The following ABCA13 variants were observed in gnomAD, a reference collection of about 807,000 sequenced individuals.
The protein encoded by ABCA13 is ATP-binding cassette sub-family A member 13.
Under a neutral mutation model 478.7 loss-of-function variants are expected in ABCA13, and 476 were observed. The ratio of observed to expected loss-of-function variants is 0.99; its 90% CI spans 0.92 to 1.07. The LOEUF (loss-of-function observed/expected upper bound fraction) is 1.07, where lower values mean the gene tolerates loss of function less well. Among genes scored for constraint, ABCA13 ranks in the 50% least tolerant of loss-of-function variants. The pLI is 0.00. For missense variants in ABCA13, 6,060 were observed against 5,910.6 expected (o/e 1.03, Z -0.83); for synonymous variants, 2,252 against 2,158.9 (o/e 1.04, Z -1.20).
At position 48,274,464 on chromosome 7, in the gene ABCA13, T is replaced by C. The variant is rs374881191; in HGVS notation, c.4798T>C (p.Leu1600=). Residue 1600 remains leucine, a synonymous_variant, in exon 17 of 62, where the codon TTA becomes CTA. Transcript: ENST00000435803. ...CAGTGTAGGCAATTCCATTTATCAC[T>C]TAGCTAGTTACCTTGCCTTCAGCTT... ...VNSVGNSIYH[L]ASYLAFSLSH... 4 of 1,613,876 alleles carry C rather than the reference T, an allele frequency of 2.5e-6. No homozygotes were observed. The highest frequency in any genetic ancestry group is 3.4e-6 in the Non-Finnish European group (4 of 1,179,828).
intron 23 of ABCA13, among the ~76,000 whole-genome samples, chr7:48,305,838 G>A (rs965142233): frequency 2.6e-5 from 4 of 152,216 alleles, no homozygotes; most frequent in Admixed American, 6.5e-5. Context: ...GCATCGCCCT[G>A]GATCCTAAGC....
rs534382213 is a variant in ABCA13 at position 48,321,532 on chromosome 7, G to A, written c.9999+4236G>A. On this transcript the variant is annotated intron_variant, in intron 27 of 61. Coordinates refer to ENST00000435803, the MANE Select transcript of ABCA13 (RefSeq NM_152701.5). ...CCCTGTGTAGGCCGGCCCTGAGCTA[G>A]CATGTGGTCCTAGCAGTGTGGCTGA... Among the ~76,000 whole-genome samples the A allele has an allele frequency of 6.6e-5, 10 of 152,310 alleles. No individual in the cohort carries two copies. In the South Asian group the frequency reaches 1.9e-3, roughly 28 times the overall value.
At chr7:48,443,837 A>G (rs993708220) in intron 42 of ABCA13, among the ~76,000 whole-genome samples, 2 of 151,388 alleles carry the variant, frequency 1.3e-5, no homozygotes, top group Non-Finnish European at 2.9e-5. Flanking sequence ...AAATCCATCC[A>G]CCTCCCACCC....
At chr7:48,389,324 T>G in intron 37 of ABCA13, 104 bp downstream of exon 37, 1 of 1,332,070 alleles carries the variant, frequency 7.5e-7, no homozygotes, top group Middle Eastern at 2.7e-4. Context: ...TTTTAAAATT[T>G]TGAGTCTCAA....
intron 45 of ABCA13, among the ~76,000 whole-genome samples, chr7:48,477,352 A>G (rs967388169): frequency 6.6e-6 from 1 of 152,160 alleles, no homozygotes; most frequent in African/African-American, 2.4e-5. Context: ...GGGATCTAGA[A>G]CTAGAAATAC....
rs1366553865 is a variant in ABCA13, at chr7:48,372,312, G to T, written c.10948G>T (p.Val3650Phe). Residue 3650 changes from valine to phenylalanine, a missense_variant, in exon 33 of 62, where the codon GTT becomes TTT. Val to Phe is a conservative substitution (Grantham distance 50). Around this residue, in one of 3 missense-constraint regions of ABCA13, gnomAD observed 4,423 missense variants for 4,309.1 expected, o/e 1.03. Coordinates refer to ENST00000435803, the MANE Select transcript of ABCA13 (RefSeq NM_152701.5). Reference sequence around the variant, plus strand: ...CTTTGCACACAGCAATACCTTTATTGTTTTCCTCTTTCTCTTGGATTTTGG... The same window carrying T: ...CTTTGCACACAGCAATACCTTTATTTTTTTCCTCTTTCTCTTGGATTTTGG... ...GIFAHSNTFI[V>F]FLFLLDFGMS... 6.2e-7 allele frequency: 1 copy of T among 1,613,824 alleles called. No homozygotes were observed. Among genetic ancestry groups the T allele is most frequent in the African/African-American group, 1.3e-5 (1 of 74,990 alleles).
At chr7:48,452,022 A>G (rs1825103924) in intron 42 of ABCA13, among the ~76,000 whole-genome samples, 1 of 152,222 alleles carries the variant, frequency 6.6e-6, no homozygotes, top group Non-Finnish European at 1.5e-5. Context: ...AGCCATGAAT[A>G]TTTGATTGGT....
At chr7:48,639,894 A>G (rs1173522538) in intron 59 of ABCA13, among the ~76,000 whole-genome samples, 1 of 152,182 alleles carries the variant, frequency 6.6e-6, no homozygotes, top group African/African-American at 2.4e-5. Flanking sequence ...ATGTTCCTTT[A>G]ATTCTCTTAG....
chr7:48,626,933 A>G, intron 59 of ABCA13: 1 of 985,418 alleles, frequency 1.0e-6, no homozygotes, highest in Non-Finnish European at 1.2e-6. Flanking sequence ...GAAAACTTAA[A>G]GTTGGGGGTG....
chr7:48,538,874 C>A (rs914388923), intron 55 of ABCA13, among the ~76,000 whole-genome samples: 1 of 152,172 alleles, frequency 6.6e-6, no homozygotes, highest in African/African-American at 2.4e-5. Context: ...CCATTCCTTT[C>A]ATTTCTTTAC....
chr7:48,414,511 A>G (rs192528051), intron 41 of ABCA13, among the ~76,000 whole-genome samples: 1 of 150,800 alleles, frequency 6.6e-6, no homozygotes, highest in Admixed American at 6.6e-5. Context: ...TTAATATAAA[A>G]TGAATATTTT....
At chr7:48,588,470 C>T (rs1463777316) in intron 57 of ABCA13, among the ~76,000 whole-genome samples, 2 of 152,192 alleles carry the variant, frequency 1.3e-5, no homozygotes, top group East Asian at 1.9e-4. Context: ...CAGACCCTGA[C>T]ATGCTTTTCT....
intron 1 of ABCA13, among the ~76,000 whole-genome samples, chr7:48,178,773 G>T (rs890593564): frequency 9.9e-5 from 15 of 151,382 alleles, no homozygotes; most frequent in Admixed American, 7.2e-4. Context: ...AAACTGACTG[G>T]ATTTCAAAGA....
chr7:48,307,046 G>A (rs894149134), intron 23 of ABCA13, among the ~76,000 whole-genome samples: 1 of 152,224 alleles, frequency 6.6e-6, no homozygotes, highest in African/African-American at 2.4e-5. Flanking sequence ...TCCCAAATCC[G>A]CTGGCCCACC....
chr7:48,315,467 A>G lies in ABCA13; in HGVS notation c.9859+1058A>G, dbSNP rs556128485. On this transcript the variant is annotated intron_variant, in intron 26 of 61. Coordinates refer to ENST00000435803, the MANE Select transcript of ABCA13 (RefSeq NM_152701.5). ...TCTATAATTAATGGCTTAAAAATGT[A>G]TTATGTAGTCATATTCTTTTTTTTT... 3.9e-5 allele frequency among the ~76,000 whole-genome samples: 6 copies of G among 152,100 alleles called. No homozygotes were observed. In the South Asian group the frequency reaches 1.2e-3, roughly 32 times the overall value.
At chr7:48,448,982 A>G (rs916808734) in intron 42 of ABCA13, among the ~76,000 whole-genome samples, 6 of 152,078 alleles carry the variant, frequency 3.9e-5, no homozygotes, top group Non-Finnish European at 8.8e-5. Flanking sequence ...AGCTGGGATT[A>G]CAGGCACCCA....
intron 55 of ABCA13, among the ~76,000 whole-genome samples, chr7:48,577,409 A>G (rs1436798185): frequency 6.6e-6 from 1 of 152,138 alleles, no homozygotes; most frequent in Non-Finnish European, 1.5e-5. Flanking sequence ...TGTTATCCTT[A>G]CTACTCTCAT....
In ABCA13 at chr7:48,298,393, A is replaced by G. The variant is rs1170594450; in HGVS notation, c.9227A>G (p.Asn3076Ser). 1.2e-6 allele frequency: 2 copies of G among 1,611,482 alleles called. No homozygotes were observed. The highest frequency in any genetic ancestry group is 1.7e-6 in the Non-Finnish European group (2 of 1,178,504). Residue 3076 changes from asparagine to serine, a missense_variant, in exon 23 of 62, where the codon AAT becomes AGT. Physicochemically the swap from Asn to Ser is conservative, Grantham distance 46. Around this residue, in one of 3 missense-constraint regions of ABCA13, gnomAD observed 4,423 missense variants for 4,309.1 expected, o/e 1.03. Transcript: ENST00000435803. ...GTAAAAATAAAAGATTTGATGAAGA[A>G]TATCACCAAGTTGACTGAGGAGCTT... ...EDVKIKDLMK[N>S]ITKLTEELRS...
At chr7:48,310,226 C>T (rs1001322052) in intron 24 of ABCA13, 85 bp downstream of exon 24, 14 of 1,433,374 alleles carry the variant, frequency 9.8e-6, no homozygotes, top group African/African-American at 5.7e-5. Context: ...CCTAGGGGTG[C>T]GGCAGTGGGA....
Sources: gnomAD v4.1 joint callset for allele counts (sites outside exome capture counted in the v4.1 genomes callset) on GRCh38, gnomAD v4.1.1 for gene constraint, gnomAD v4.1.1 regional missense constraint, MANE v1.5 for transcripts, NCBI Gene and HGNC (gene_info 2026-07-23, HGNC 2026-07-21) for gene names.